The following EFCAB6 variants were observed in gnomAD, a reference collection of about 807,000 sequenced individuals.
The protein encoded by EFCAB6 is EF-hand calcium-binding domain-containing protein 6.
In EFCAB6, 156 loss-of-function variants were observed where a neutral mutation model predicts 169.8. The ratio of observed to expected loss-of-function variants is 0.92; its 90% confidence interval spans 0.81 to 1.05. EFCAB6 has a LOEUF of 1.05. Among genes scored for constraint, EFCAB6 ranks in the 50% least tolerant of loss-of-function variants. The pLI is 0.00. For missense variants in EFCAB6, 1,800 were observed against 1,829.1 expected, an observed-to-expected ratio of 0.98 and a Z score of 0.29; for synonymous variants, 698 against 676.4, an observed-to-expected ratio of 1.03 and a Z score of -0.50.
intron 12 of EFCAB6, 94 bp from the exon 13 acceptor site, chr22:43,678,257 G>A (rs2057857055): frequency 3.1e-6 from 4 of 1,281,192 alleles, no homozygotes; most frequent in East Asian, 4.8e-5. Context: ...AATAAAGAGC[G>A]AGCTTTGGCC....
intron 5 of EFCAB6, among the ~76,000 whole-genome samples, chr22:43,761,337 A>G (rs2061156153): frequency 6.6e-6 from 1 of 152,192 alleles, no homozygotes; most frequent in Non-Finnish European, 1.5e-5. Context: ...TTAAAAGTAT[A>G]TTAGGACTCC....
chr22:43,600,008 T>C, intron 23 of EFCAB6, 61 bp downstream of exon 23: 2 of 1,524,584 alleles, frequency 1.3e-6, no homozygotes, highest in Non-Finnish European at 1.8e-6. Flanking sequence ...TAACTTGTGC[T>C]GTGAGGCCAG....
Position 43,555,051 on chromosome 22 carries a change from T to C in EFCAB6, c.3466A>G (p.Thr1156Ala), listed in dbSNP as rs767783457. The C allele has an allele frequency of 3.7e-6, 6 of 1,614,090 alleles. No homozygotes were observed. In the Admixed American group the frequency reaches 8.3e-5, roughly 22 times the overall value. Residue 1156 changes from threonine (T) to alanine (A), a missense_variant, in exon 27 of 32, where the codon ACC (threonine) becomes GCC (alanine). Transcript: ENST00000262726. ...CTGTCGGCTGTGGCCTTGGGAGAGG[T>C]AGGCGGCGGGCCTTTGGGCATTTTC... The part of the protein sequence containing the change: ...AEKMPKGPPP[T>A]SPKATADRDI...
chr22:43,784,678 C>CATAT (rs1569488099), intron 2 of EFCAB6, among the ~76,000 whole-genome samples: 39 of 35,694 alleles, frequency 1.1e-3, no homozygotes, highest in South Asian at 1.9e-3. Context: ...TACATATATA[C>CATAT]ACACACACAC....
chr22:43,537,843 G>GTA lies in EFCAB6; in HGVS notation c.3880-299_3880-298insTA, dbSNP rs1451913986. Among the ~76,000 whole-genome samples, 1 of 152,142 alleles carries GTA rather than the reference G, an allele frequency of 6.6e-6. No homozygotes were observed. Among genetic ancestry groups the GTA allele is most frequent in the Non-Finnish European group, 1.5e-5 (1 of 68,024 alleles). ...ACATATTTCTGCTGTGTGTGTGTGTGTGTGAGAAGTGACAACGACAAATTT... is the reference window on the plus strand; with the variant it reads ...ACATATTTCTGCTGTGTGTGTGTGTGTATGTGAGAAGTGACAACGACAAATTT... On this transcript the variant is annotated intron_variant, in intron 28 of 31. Coordinates refer to ENST00000262726, the MANE Select transcript of EFCAB6 (RefSeq NM_022785.4). The surrounding 1 kb of genome is among the most constrained non-coding windows in gnomAD (Gnocchi z 4.3).
chr22:43,786,286 T>G (rs2062074842), intron 2 of EFCAB6, among the ~76,000 whole-genome samples: 1 of 151,828 alleles, frequency 6.6e-6, no homozygotes, highest in African/African-American at 2.4e-5. Flanking sequence ...TCGCTTGAAC[T>G]TGGGAGGTGG....
intron 8 of EFCAB6, among the ~76,000 whole-genome samples, chr22:43,729,959 C>T (rs933115915): frequency 1.3e-5 from 2 of 151,290 alleles, no homozygotes; most frequent in Non-Finnish European, 2.9e-5. Context: ...CACAGGAGTT[C>T]GAGATTAGCC....
intron 20 of EFCAB6, among the ~76,000 whole-genome samples, chr22:43,624,803 T>C (rs2054383579): frequency 6.6e-6 from 1 of 152,194 alleles, no homozygotes; most frequent in Non-Finnish European, 1.5e-5. Flanking sequence ...AGTAGGCCCT[T>C]AGTAAATATT....
chr22:43,666,977 T>C (rs1434084315), intron 17 of EFCAB6, 127 bp downstream of exon 17: 1 of 1,217,744 alleles, frequency 8.2e-7, no homozygotes, highest in Admixed American at 2.7e-5. Context: ...CCTTTTAAAT[T>C]GTTGAAAGAT....
At chr22:43,689,349 GCACACACACACA>G (rs3221390) in intron 10 of EFCAB6, among the ~76,000 whole-genome samples, 1 of 146,962 alleles carries the variant, frequency 6.8e-6, no homozygotes, top group African/African-American at 2.6e-5. Flanking sequence ...GAGAGCACGT[GCACACACACACA>G]CACACACACA....
chr22:43,760,455 T>C (rs2061123453), intron 5 of EFCAB6, among the ~76,000 whole-genome samples: 1 of 152,218 alleles, frequency 6.6e-6, no homozygotes, highest in South Asian at 2.1e-4. Flanking sequence ...ACTGCGATAA[T>C]GTCTAGATAG....
At chr22:43,794,818 T>A (rs970824667) in intron 2 of EFCAB6, among the ~76,000 whole-genome samples, 1 of 152,232 alleles carries the variant, frequency 6.6e-6, no homozygotes, top group African/African-American at 2.4e-5. Context: ...TGGCAACCCC[T>A]AGTCTATTGT....
chr22:43,552,333 G>A (rs532865800), intron 27 of EFCAB6: 1 of 152,274 alleles, frequency 6.6e-6, no homozygotes, highest in African/African-American at 2.4e-5. Context: ...GGGATGGCTT[G>A]GTCATATGGT....
intron 10 of EFCAB6, among the ~76,000 whole-genome samples, chr22:43,706,206 C>T (rs2058953757): frequency 6.6e-6 from 1 of 152,182 alleles, no homozygotes; most frequent in African/African-American, 2.4e-5. Flanking sequence ...CTGGCTTCTG[C>T]CAGGCCCCAG....
intron 28 of EFCAB6, among the ~76,000 whole-genome samples, chr22:43,538,115 T>C (rs907927658): frequency 4.6e-5 from 7 of 152,316 alleles, no homozygotes; most frequent in Admixed American, 1.3e-4. Flanking sequence ...TGCAATTCCA[T>C]TGGATTCCTG....
intron 27 of EFCAB6, among the ~76,000 whole-genome samples, chr22:43,549,191 T>C (rs769973714): frequency 6.6e-6 from 1 of 152,180 alleles, no homozygotes; most frequent in African/African-American, 2.4e-5. Flanking sequence ...CAGAAAGCTT[T>C]GTCTAACTTA....
chr22:43,799,895 ACT>A (rs1201079770), intron 2 of EFCAB6, among the ~76,000 whole-genome samples: 1 of 151,988 alleles, frequency 6.6e-6, no homozygotes, highest in Admixed American at 6.6e-5. Flanking sequence ...CCCCCAATTC[ACT>A]GTTTCTACAC....
intron 26 of EFCAB6, among the ~76,000 whole-genome samples, chr22:43,562,321 T>C (rs2049089449): frequency 2.0e-5 from 3 of 152,168 alleles, no homozygotes; most frequent in Admixed American, 1.3e-4. Flanking sequence ...ATACATGAAG[T>C]ATACAGTCAT....
In EFCAB6 at chr22:43,576,501, A is replaced by G; in HGVS notation, c.3229-13T>C. ...ATGCAGAAAATGCCTAAAAAGAAAG[A>G]AAAGAAAAAAAGATGGCAAATCCTG... On this transcript the variant is annotated splice_polypyrimidine_tract_variant and intron_variant, in intron 25 of 31. Coordinates refer to ENST00000262726, the MANE Select transcript of EFCAB6 (RefSeq NM_022785.4). 1 of 1,509,928 alleles carries G rather than the reference A, an allele frequency of 6.6e-7. No individual in the cohort carries two copies. Among genetic ancestry groups the G allele is most frequent in the Non-Finnish European group, 8.8e-7 (1 of 1,137,532 alleles). The allele number at this position is 1,509,928 out of a possible 1,614,324, so 93.5% of individuals were successfully genotyped here.
Sources: allele counts gnomAD v4.1 joint callset (sites outside exome capture counted in the v4.1 genomes callset), GRCh38; gene constraint gnomAD v4.1.1; non-coding constraint Gnocchi (gnomAD v3.1); transcripts MANE v1.5; gene names NCBI Gene and HGNC (gene_info 2026-07-23, HGNC 2026-07-21).